The following LRP5 variants were observed in gnomAD, a reference collection of about 807,000 sequenced individuals.
The protein encoded by LRP5 is LDL receptor related protein 5.
LRP5 carries 62 observed loss-of-function variants against 154.1 expected under a neutral mutation model. That is an observed-to-expected ratio of 0.40 (90% CI 0.33 to 0.50). The LOEUF (loss-of-function observed/expected upper bound fraction) is 0.50. LRP5 is among the 20% of genes least tolerant of loss of function. The pLI is 0.55. For missense variants in LRP5, 1,915 were observed against 2,336.7 expected, an observed-to-expected ratio of 0.82 and a Z score of 3.72; for synonymous variants, 966 against 1,011.5, an observed-to-expected ratio of 0.96 and a Z score of 0.85.
chr11:68,425,432 C>G (rs1377892507), intron 15 of LRP5, 140 bp downstream of exon 15: 1 of 872,370 alleles, frequency 1.1e-6, no homozygotes. Context: ...TTTGTCCTCA[C>G]ACTGACAGCT....
the LRP5 span, among the ~76,000 whole-genome samples, chr11:68,306,603 T>G: frequency 6.6e-6 from 1 of 152,246 alleles, no homozygotes; most frequent in Non-Finnish European, 1.5e-5. Context: ...TAGATACATC[T>G]TTTTGAAGGC....
At chr11:68,434,353 CAT>C (rs2098673693) in intron 18 of LRP5, among the ~76,000 whole-genome samples, 1 of 2,758 alleles carries the variant, frequency 3.6e-4, no homozygotes, top group East Asian at 0.1. Flanking sequence ...AGTTTTCTTT[CAT>C]TCATTCATTC....
Position 68,386,209 on chromosome 11 carries a change from G to A in LRP5, c.1016-107G>A. 1 of 1,402,636 alleles carries A rather than the reference G, an allele frequency of 7.1e-7. No individual in the cohort carries two copies. The highest frequency in any genetic ancestry group is 9.9e-7 in the Non-Finnish European group (1 of 1,005,794). The allele number at this position is 1,402,636 out of a possible 1,614,324, so 86.9% of individuals were successfully genotyped here. ...AACATCACCAGCCTTTGCAAGGAGA[G>A]CCCTGGGGGCCTGGCTGAGTATTTC... is the stretch of plus-strand genomic sequence containing the variant. On this transcript the variant is annotated intron_variant, in intron 5 of 22. Coordinates refer to ENST00000294304, the MANE Select transcript of LRP5 (RefSeq NM_002335.4). This position sits in a 1 kb window ranked among gnomAD's most constrained non-coding sequence, Gnocchi z 7.9.
chr11:68,407,564 G>A (rs1236886319), intron 9 of LRP5, among the ~76,000 whole-genome samples: 3 of 151,366 alleles, frequency 2.0e-5, no homozygotes, highest in Admixed American at 2.0e-4. Context: ...TTGGTGGCTG[G>A]GTGCGGTGGC....
intron 13 of LRP5, among the ~76,000 whole-genome samples, chr11:68,422,985 G>A (rs2098666689): frequency 6.6e-6 from 1 of 152,082 alleles, no homozygotes; most frequent in Non-Finnish European, 1.5e-5. Flanking sequence ...CTGTCCTGGT[G>A]CCCTGCAGAG....
intron 1 of LRP5, among the ~76,000 whole-genome samples, chr11:68,324,624 C>T (rs2098598600): frequency 6.6e-6 from 1 of 152,224 alleles, no homozygotes; most frequent in Non-Finnish European, 1.5e-5. Context: ...AAAAAAATTT[C>T]CATCTGTTTT....
chr11:68,397,579 G>T (rs532082851), intron 7 of LRP5, among the ~76,000 whole-genome samples: 1 of 152,208 alleles, frequency 6.6e-6, no homozygotes, highest in African/African-American at 2.4e-5. Flanking sequence ...CTGCCTGGAG[G>T]CTGGAAGCTG....
At chr11:68,299,226 G>A in the LRP5 span, among the ~76,000 whole-genome samples, 1 of 152,206 alleles carries the variant, frequency 6.6e-6, no homozygotes, top group African/African-American at 2.4e-5. Context: ...GAAGCTGGAG[G>A]GAAGGGGCAC....
intron 21 of LRP5, among the ~76,000 whole-genome samples, chr11:68,444,463 G>A (rs1056001434): frequency 1.3e-5 from 2 of 152,136 alleles, no homozygotes; most frequent in Non-Finnish European, 2.9e-5. Flanking sequence ...GTTGTAGTGA[G>A]CCGAGATCAT....
intron 1 of LRP5, among the ~76,000 whole-genome samples, chr11:68,346,334 T>C (rs2098612908): frequency 6.6e-6 from 1 of 152,226 alleles, no homozygotes; most frequent in Non-Finnish European, 1.5e-5. Flanking sequence ...GTCCTCTGTG[T>C]GTCCTCCCAT....
chr11:68,306,566 C>T, the LRP5 span, among the ~76,000 whole-genome samples: 1 of 152,180 alleles, frequency 6.6e-6, no homozygotes, highest in Non-Finnish European at 1.5e-5. Flanking sequence ...ACTTGGTTAA[C>T]ATTCACAGGT....
chr11:68,372,722 T>G (rs2098634953), intron 5 of LRP5, among the ~76,000 whole-genome samples: 1 of 152,102 alleles, frequency 6.6e-6, no homozygotes, highest in Non-Finnish European at 1.5e-5. Context: ...GGAGCGAGTC[T>G]TCCTTCGGCG....
chr11:68,437,602 G>C (rs1489699972), intron 19 of LRP5, among the ~76,000 whole-genome samples: 2 of 152,266 alleles, frequency 1.3e-5, no homozygotes, highest in Non-Finnish European at 2.9e-5. Flanking sequence ...TGGGGACATG[G>C]CCACTCCTTC....
intron 7 of LRP5, among the ~76,000 whole-genome samples, chr11:68,397,037 C>T (rs1222506003): frequency 1.3e-5 from 2 of 152,196 alleles, no homozygotes; most frequent in African/African-American, 4.8e-5. Context: ...CCCAGGACAC[C>T]TCCTTAGCCC....
chr11:68,341,961 C>T (rs949921305), intron 1 of LRP5, among the ~76,000 whole-genome samples: 8 of 152,112 alleles, frequency 5.3e-5, no homozygotes, highest in Non-Finnish European at 1.0e-4. Context: ...GCTGGGCACT[C>T]GCCTGCTGGA....
intron 9 of LRP5, 134 bp from the exon 10 acceptor site, chr11:68,409,780 G>T (rs1231976864): frequency 9.5e-6 from 7 of 739,868 alleles, no homozygotes; most frequent in Non-Finnish European, 1.7e-5. Context: ...AACCCAGGGG[G>T]CAGAGGTTGC....
intron 2 of LRP5, among the ~76,000 whole-genome samples, chr11:68,350,750 C>T (rs1159216104): frequency 6.6e-6 from 1 of 152,236 alleles, no homozygotes; most frequent in Non-Finnish European, 1.5e-5. Flanking sequence ...CCTCTTTGAT[C>T]TGTGTGGTGA....
intron 7 of LRP5, 142 bp downstream of exon 7, chr11:68,390,194 T>G: frequency 9.3e-7 from 1 of 1,070,954 alleles, no homozygotes; most frequent in Non-Finnish European, 1.4e-6. Flanking sequence ...ATAGTTACAA[T>G]ACTTTCTGAC....
chr11:68,421,798 T>G (rs547572130), intron 13 of LRP5, among the ~76,000 whole-genome samples: 37 of 123,382 alleles, frequency 3.0e-4, no homozygotes, highest in Middle Eastern at 4.5e-3. Context: ...GTGTGTGGGG[T>G]GTGTGTGTGT....
Sources: allele counts gnomAD v4.1 joint callset (sites outside exome capture counted in the v4.1 genomes callset), GRCh38; gene constraint gnomAD v4.1.1; non-coding constraint Gnocchi (gnomAD v3.1); transcripts MANE v1.5; gene names NCBI Gene and HGNC (gene_info 2026-07-23, HGNC 2026-07-21).